TRIM7: variants seen among roughly 807,000 people sequenced by gnomAD.
TRIM7 encodes the protein E3 ubiquitin-protein ligase TRIM7.
TRIM7 carries 32 observed loss-of-function variants against 37.9 expected under a neutral mutation model. The ratio of observed to expected loss-of-function variants is 0.84; its 90% CI spans 0.64 to 1.13. The LOEUF (loss-of-function observed/expected upper bound fraction) is 1.13, where lower values mean the gene tolerates loss of function less well. Among genes scored for constraint, TRIM7 ranks in the 50% most tolerant of loss-of-function variants. The pLI, the probability that TRIM7 is intolerant of heterozygous loss-of-function variation, is 0.00. For missense variants in TRIM7, 732 were observed against 714.0 expected, an observed-to-expected ratio of 1.03 and a Z score of -0.29; for synonymous variants, 351 against 321.3, an observed-to-expected ratio of 1.09 and a Z score of -0.99.
intron 3 of TRIM7, chr5:181,199,440 G>A: frequency 2.0e-6 from 1 of 509,298 alleles, no homozygotes; most frequent in Non-Finnish European, 3.5e-6. Context: ...ACCACCTGAG[G>A]GAGGTCACAG....
chr5:181,198,314 C>G, intron 5 of TRIM7, 96 bp from the exon 6 acceptor site: 2 of 1,300,646 alleles, frequency 1.5e-6, no homozygotes, highest in South Asian at 2.5e-5. Flanking sequence ...CTCATTCATT[C>G]CCCAGAGACT....
At position 181,200,154 on chromosome 5, in the gene TRIM7, C is replaced by A. The variant is rs776389750; in HGVS notation, c.619-73G>T. The A allele has an allele frequency of 2.5e-6, 4 of 1,612,662 alleles. No individual in the cohort carries two copies. The African/African-American group carries it at 5.3e-5, about 22-fold the overall frequency. Reference sequence around the variant, plus strand: ...ACATTTGGCCAGTGGCCTGAGTCATCCCACAGGGCAAGGCTTCGTCCCTGT... The same window carrying A: ...ACATTTGGCCAGTGGCCTGAGTCATACCACAGGGCAAGGCTTCGTCCCTGT... On this transcript the variant is annotated intron_variant, in intron 2 of 6. Transcript: ENST00000274773.
At chr5:181,200,259 T>G in intron 2 of TRIM7, 178 bp from the exon 3 acceptor site, 1 of 1,477,436 alleles carries the variant, frequency 6.8e-7, no homozygotes, top group South Asian at 1.4e-5. Context: ...CTGAACAAGC[T>G]GTAGTCTGGA....
chr5:181,203,532 G>A lies in TRIM7; in HGVS notation c.618+13C>T, dbSNP rs945007705. 6 of 1,614,120 alleles carry A rather than the reference G, an allele frequency of 3.7e-6. No homozygotes were observed. The highest frequency in any genetic ancestry group is 2.2e-5 in the South Asian group (2 of 91,074). ...GTAATGTCCCACGGGGGGCCTGCGG[G>A]TGCCTGGCTCACCAGCAGCTCCTTG... On this transcript the variant is annotated intron_variant, in intron 2 of 6. Transcript: ENST00000274773.
intron 6 of TRIM7, chr5:181,196,759 A>G (rs562132310): frequency 9.8e-5 from 15 of 152,374 alleles, no homozygotes; most frequent in Admixed American, 2.6e-4. Context: ...AGCAGTGTCT[A>G]TGAAAACTGT....
Position 181,200,048 on chromosome 5 carries a change from C to T in TRIM7, c.652G>A (p.Ala218Thr), listed in dbSNP as rs61743103. 4.1e-3 allele frequency: 6,639 copies of T among 1,614,236 alleles called. 245 individuals are homozygous for T. The African/African-American group carries it at 0.078, about 19-fold the overall frequency. The change falls in exon 3 of 7, where the codon GCA (alanine) becomes ACA (threonine). Residue 218 changes from alanine (A) to threonine (T), a missense_variant. Ala to Thr is a moderately conservative substitution (Grantham distance 58, BLOSUM62 0). Transcript: ENST00000274773. ...QMAAEQEKVGAEFQALRAFLV... is the reference protein window; with the variant it reads ...QMAAEQEKVGTEFQALRAFLV... ...AAAGCCCTCAGTGCCTGGAACTCTGCCCCCACCTTCTCCTGCTCCGCTGCC... is the reference window on the plus strand; with the variant it reads ...AAAGCCCTCAGTGCCTGGAACTCTGTCCCCACCTTCTCCTGCTCCGCTGCC...
Position 181,205,093 on chromosome 5 carries a change from C to T in TRIM7, c.18G>A (p.Pro6=). 1.5e-6 allele frequency: 2 copies of T among 1,344,926 alleles called. No individual in the cohort carries two copies. The highest frequency in any genetic ancestry group is 3.6e-5 in the South Asian group (2 of 55,442). The allele number at this position is 1,344,926 out of a possible 1,614,324, so 83.3% of individuals were successfully genotyped here. MAAVG[P]RTGPGTGAEA... The stretch of plus-strand genomic sequence containing the variant: ...CGGCGCCGGTTCCGGGGCCGGTCCG[C>T]GGTCCCACAGCCGCCATGCGCGCTC... The change falls in exon 1 of 7, where the codon CCG becomes CCA. Residue 6 remains proline (P), a synonymous_variant. Coordinates refer to ENST00000274773, the MANE Select transcript of TRIM7 (RefSeq NM_203293.3).
rs925803653 is a variant in TRIM7 at position 181,199,648 on chromosome 5, A to G, written c.849+203T>C. ...AGCTTGTGATTCTGAAATACGATAT[A>G]TATTATTGTGGCTCATAGTCAAGAA... On this transcript the variant is annotated intron_variant, in intron 3 of 6. Coordinates refer to ENST00000274773, the MANE Select transcript of TRIM7 (RefSeq NM_203293.3). The G allele has an allele frequency of 6.6e-6, 5 of 753,592 alleles. No homozygotes were observed. The Admixed American group carries it at 1.6e-4, about 24-fold the overall frequency. The allele number at this position is 753,592 out of a possible 1,614,324, so 46.7% of individuals were successfully genotyped here.
intron 2 of TRIM7, chr5:181,200,994 G>A: frequency 2.4e-6 from 2 of 844,284 alleles, no homozygotes; most frequent in Non-Finnish European, 2.8e-6. Context: ...TGGGGAGGGT[G>A]CACTTCCCTT....
At chr5:181,198,127 A>G in intron 6 of TRIM7, 56 bp downstream of exon 6, 1 of 1,599,960 alleles carries the variant, frequency 6.3e-7, no homozygotes, top group Non-Finnish European at 8.6e-7. Flanking sequence ...ACGAGCAGGG[A>G]GTAGGATCTC....
At chr5:181,204,043 A>C (rs1272300236) in intron 1 of TRIM7, 29 of 1,002,322 alleles carry the variant, frequency 2.9e-5, no homozygotes, top group Non-Finnish European at 3.4e-5. Context: ...CTCAGCGAGA[A>C]AATAGCAAAG....
Position 181,205,166 on chromosome 5 carries a change from A to C in TRIM7, c.-56T>G, listed in dbSNP as rs1757749651. ...CGCCTGGGCGGCCACTGGACCTCAC[A>C]GGACGCGGAGCTGGGCGCCGAGGGC... is the stretch of plus-strand genomic sequence containing the variant. On this transcript the variant is annotated 5_prime_UTR_variant, in exon 1 of 7. Coordinates refer to ENST00000274773, the MANE Select transcript of TRIM7 (RefSeq NM_203293.3). The C allele has an allele frequency of 7.9e-7, 1 of 1,272,850 alleles. No homozygotes were observed. Among genetic ancestry groups the C allele is most frequent in the Non-Finnish European group, 9.9e-7 (1 of 1,008,610 alleles). The allele number at this position is 1,272,850 out of a possible 1,614,324, so 78.8% of individuals were successfully genotyped here. A position where few individuals can be genotyped will look rare whatever the true frequency, so the allele number is the denominator to read the frequency against.
intron 6 of TRIM7, chr5:181,197,916 CG>C: frequency 1.9e-6 from 1 of 527,342 alleles, no homozygotes; most frequent in Admixed American, 3.2e-5. Flanking sequence ...CCCAGGTGGC[CG>C]AGAAGCCTTT....
At position 181,198,787 on chromosome 5, in the gene TRIM7, G is replaced by A. The variant is rs557058588; in HGVS notation, c.891C>T (p.Gly297=). 4 of 1,613,830 alleles carry A rather than the reference G, an allele frequency of 2.5e-6. No individual in the cohort carries two copies. In the Admixed American group the frequency reaches 6.7e-5, roughly 27 times the overall value. Residue 297 remains glycine (G), a synonymous_variant, in exon 5 of 7, where the codon GGC becomes GGT. Coordinates refer to ENST00000274773, the MANE Select transcript of TRIM7 (RefSeq NM_203293.3). ...STLSRCSNVP[G]PKPTTVSSEM... is the part of the protein sequence containing the mutation. Reference sequence around the variant, plus strand: ...CAGAAGAGACTGTGGTTGGCTTGGGGCCAGGCACATTGCTACACCTGCAGG... The same window carrying A: ...CAGAAGAGACTGTGGTTGGCTTGGGACCAGGCACATTGCTACACCTGCAGG...
chr5:181,199,659 G>A (rs1757351821), intron 3 of TRIM7, 192 bp downstream of exon 3: 2 of 823,054 alleles, frequency 2.4e-6, no homozygotes, highest in African/African-American at 1.7e-5. Context: ...TATTATTGTG[G>A]CTCATAGTCA....
At chr5:181,200,227 C>T in intron 2 of TRIM7, 146 bp from the exon 3 acceptor site, 3 of 1,533,688 alleles carry the variant, frequency 2.0e-6, no homozygotes, top group South Asian at 2.6e-5. Context: ...GCAGTGCGTG[C>T]TCTATTGTCA....
At chr5:181,198,298 A>G in intron 5 of TRIM7, 80 bp from the exon 6 acceptor site, 3 of 1,423,750 alleles carry the variant, frequency 2.1e-6, no homozygotes, top group Non-Finnish European at 3.0e-6. Flanking sequence ...TTTATATCCC[A>G]ACTGACTCAT....
At chr5:181,202,712 G>C (rs1464671298) in intron 2 of TRIM7, 2 of 151,590 alleles carry the variant, frequency 1.3e-5, no homozygotes, top group African/African-American at 2.4e-5. Flanking sequence ...GACTACAGGC[G>C]CCCGCCACCA....
In TRIM7 at chr5:181,204,357, G is replaced by C. The variant is rs534474414; in HGVS notation, c.522+232C>G. 1.2e-3 allele frequency: 1,442 copies of C among 1,223,918 alleles called. 6 individuals carry two copies. The highest frequency in any genetic ancestry group is 2.1e-3 in the Admixed American group (49 of 23,168). 75.8% of individuals were successfully genotyped at this position (1,223,918 alleles called of 1,614,324 possible). A position where few individuals can be genotyped will look rare whatever the true frequency, so the allele number is the denominator to read the frequency against. ...CGTCGCGCAGGCGGCCCAGTATCTG[G>C]CCCAGAGGGAAACGCAGTGGGGGTG... On this transcript the variant is annotated intron_variant, in intron 1 of 6. Transcript: ENST00000274773.
Sources: gnomAD v4.1 joint callset for allele counts on GRCh38, gnomAD v4.1.1 for gene constraint, MANE v1.5 for transcripts, NCBI Gene and HGNC (gene_info 2026-07-23, HGNC 2026-07-21) for gene names.